TESK2: variants seen among roughly 807,000 people sequenced by gnomAD.
TESK2 encodes testis associated actin remodelling kinase 2.
A neutral mutation model predicts 57.1 loss-of-function variants in TESK2; 39 were observed. That is an observed-to-expected ratio of 0.68 (90% confidence interval 0.53 to 0.89). The LOEUF (loss-of-function observed/expected upper bound fraction) is 0.89. Ranked by LOEUF, TESK2 falls within the 40% of genes least tolerant of loss-of-function variation. TESK2 has a pLI of 0.00. For synonymous variants in TESK2, 249 were observed against 267.9 expected, an observed-to-expected ratio of 0.93 and a Z score of 0.69; for missense variants, 646 against 732.1, an observed-to-expected ratio of 0.88 and a Z score of 1.36.
intron 1 of TESK2, among the ~76,000 whole-genome samples, chr1:45,461,674 A>T (rs1262502857): frequency 2.6e-5 from 4 of 152,236 alleles, no homozygotes; most frequent in Non-Finnish European, 4.4e-5. Flanking sequence ...AATATACAAA[A>T]CATATGTAAA....
intron 1 of TESK2, among the ~76,000 whole-genome samples, chr1:45,458,079 A>C (rs1038124952): frequency 6.6e-6 from 1 of 152,240 alleles, no homozygotes; most frequent in Non-Finnish European, 1.5e-5. Context: ...AATATCATGA[A>C]GATCACCAAT....
rs189087261 is a variant in TESK2, at chr1:45,382,237, G to A, written c.393+3675C>T. Among the ~76,000 whole-genome samples the A allele has an allele frequency of 3.6e-4, 54 of 151,934 alleles. 1 individual carries two copies. Among genetic ancestry groups the A allele is most frequent in the Admixed American group, 1.3e-3 (20 of 15,236 alleles). On this transcript the variant is annotated intron_variant, in intron 4 of 10. Coordinates refer to ENST00000372086, the MANE Select transcript of TESK2 (RefSeq NM_007170.3). ...GTTTCATGTGACTTTTCACCAAACC[G>A]TTTTCACTATATATTTTTTGAAACA... is the stretch of plus-strand genomic sequence containing the variant.
rs147189690 is a variant in TESK2, at chr1:45,421,794, C to T, written c.275G>A (p.Ser92Asn). ...QVMALKMNTLSSNRANMLKEV... is the reference protein window; with the variant it reads ...QVMALKMNTLNSNRANMLKEV... ...TTTCAGCATGTTTGCCCGGTTACTG[C>T]TCAATGTGTTCATCTTAAGAGCCAT... Residue 92 changes from serine (S) to asparagine (N), a missense_variant, in exon 3 of 11, where the codon AGC (serine) becomes AAC (asparagine). Transcript: ENST00000372086. 683 of 1,614,092 alleles carry T rather than the reference C, an allele frequency of 4.2e-4. 2 individuals carry two copies. The Middle Eastern group carries it at 5.1e-3, about 12-fold the overall frequency.
chr1:45,362,333 A>T (rs1005183202), intron 4 of TESK2, among the ~76,000 whole-genome samples: 2 of 152,220 alleles, frequency 1.3e-5, no homozygotes, highest in Non-Finnish European at 2.9e-5. Flanking sequence ...AGACAAGCAC[A>T]TAAACATATC....
chr1:45,488,588 G>C (rs1653581530), intron 1 of TESK2, among the ~76,000 whole-genome samples: 1 of 152,132 alleles, frequency 6.6e-6, no homozygotes, highest in Admixed American at 6.6e-5. Flanking sequence ...TCAAATCCTT[G>C]TCCACAGTAC....
chr1:45,353,254 T>C (rs1414443144), intron 5 of TESK2, among the ~76,000 whole-genome samples: 1 of 152,194 alleles, frequency 6.6e-6, no homozygotes, highest in East Asian at 1.9e-4. Flanking sequence ...AAATGGCTAA[T>C]AAAGAGATAA....
intron 3 of TESK2, among the ~76,000 whole-genome samples, chr1:45,396,260 A>AT (rs1039374337): frequency 6.6e-6 from 1 of 151,650 alleles, no homozygotes; most frequent in African/African-American, 2.4e-5. Context: ...TACCTGGCTA[A>AT]TTTTTTTGTA....
rs537896191 is a variant in TESK2, at chr1:45,368,035, C to G, written c.394-12586G>C. Among the ~76,000 whole-genome samples, 39 of 149,256 alleles carry G rather than the reference C, an allele frequency of 2.6e-4. No individual in the cohort carries two copies. The South Asian group carries it at 3.8e-3, about 15-fold the overall frequency. The stretch of plus-strand genomic sequence containing the variant: ...TTGAGATGGAGTTTCACTCTTGTTG[C>G]CCAGGCTGGAGTGCAATGGCGCGAT... On this transcript the variant is annotated intron_variant, in intron 4 of 10. Transcript: ENST00000372086.
At chr1:45,388,507 CAT>C (rs1434894870) in intron 3 of TESK2, among the ~76,000 whole-genome samples, 1 of 152,126 alleles carries the variant, frequency 6.6e-6, no homozygotes, top group Non-Finnish European at 1.5e-5. Context: ...TTTACTAGAA[CAT>C]AGATATGGTA....
chr1:45,449,067 A>C (rs1278729411), intron 2 of TESK2, among the ~76,000 whole-genome samples: 1 of 151,918 alleles, frequency 6.6e-6, no homozygotes, highest in Non-Finnish European at 1.5e-5. Context: ...TACTAAAAAC[A>C]CAAAAATTAG....
intron 4 of TESK2, among the ~76,000 whole-genome samples, chr1:45,364,681 T>C (rs559002683): frequency 6.6e-6 from 1 of 152,342 alleles, no homozygotes; most frequent in Non-Finnish European, 1.5e-5. Flanking sequence ...AACAGCCAGA[T>C]GAGAGGTGAC....
At chr1:45,402,792 TA>T (rs1449186390) in intron 3 of TESK2, among the ~76,000 whole-genome samples, 1 of 152,174 alleles carries the variant, frequency 6.6e-6, no homozygotes, top group African/African-American at 2.4e-5. Flanking sequence ...TATTCTTTTT[TA>T]AAAAGTATGT....
intron 3 of TESK2, among the ~76,000 whole-genome samples, chr1:45,406,672 T>A (rs965953637): frequency 6.6e-6 from 1 of 151,788 alleles, no homozygotes; most frequent in Admixed American, 6.6e-5. Context: ...AAAATAAAAA[T>A]AAAAAAATTC....
intron 4 of TESK2, among the ~76,000 whole-genome samples, chr1:45,359,112 T>G (rs1300863457): frequency 6.6e-6 from 1 of 152,238 alleles, no homozygotes; most frequent in African/African-American, 2.4e-5. Flanking sequence ...AGGAGAAATA[T>G]CTGAATTCTA....
At chr1:45,473,619 TG>T (rs1314402801) in intron 1 of TESK2, among the ~76,000 whole-genome samples, 1 of 152,310 alleles carries the variant, frequency 6.6e-6, no homozygotes, top group East Asian at 1.9e-4. Flanking sequence ...TGCAAAGTTC[TG>T]GTTGTTAAAA....
chr1:45,485,595 T>C (rs1424880969), intron 1 of TESK2, among the ~76,000 whole-genome samples: 5 of 151,374 alleles, frequency 3.3e-5, no homozygotes, highest in Non-Finnish European at 7.4e-5. Flanking sequence ...CTCGGCTCAC[T>C]GCAACCTCCA....
At chr1:45,488,619 T>C (rs1226433771) in intron 1 of TESK2, among the ~76,000 whole-genome samples, 1 of 152,236 alleles carries the variant, frequency 6.6e-6, no homozygotes, top group Non-Finnish European at 1.5e-5. Flanking sequence ...AAAAGAGGGA[T>C]ACTGACATGT....
chr1:45,368,676 G>A (rs529198408), intron 4 of TESK2, among the ~76,000 whole-genome samples: 26 of 151,730 alleles, frequency 1.7e-4, no homozygotes, highest in African/African-American at 5.6e-4. Context: ...CACCCGGCTG[G>A]TTGGTTGTTT....
At chr1:45,485,395 G>A (rs1653423598) in intron 1 of TESK2, among the ~76,000 whole-genome samples, 1 of 152,078 alleles carries the variant, frequency 6.6e-6, no homozygotes, top group African/African-American at 2.4e-5. Flanking sequence ...CACCGTGTTA[G>A]TCAGGATGGT....
Sources: allele counts gnomAD v4.1 joint callset (sites outside exome capture counted in the v4.1 genomes callset), GRCh38; gene constraint gnomAD v4.1.1; transcripts MANE v1.5; gene names NCBI Gene and HGNC (gene_info 2026-07-23, HGNC 2026-07-21).